Variants in APBB2 observed in about 807,000 individuals in gnomAD.
APBB2 encodes Fe65-like 1.
APBB2 carries 38 observed loss-of-function variants against 82.5 expected under a neutral mutation model. The observed-to-expected ratio is 0.46, with a 90% CI of 0.36 to 0.60. The LOEUF is 0.60. APBB2 is among the 20% of genes least tolerant of loss of function. The pLI, the probability that APBB2 is intolerant of heterozygous loss-of-function variation, is 0.00. For synonymous variants in APBB2, 341 were observed against 368.2 expected, an observed-to-expected ratio of 0.93 and a Z score of 0.85; for missense variants, 772 against 972.3, an observed-to-expected ratio of 0.79 and a Z score of 2.74.
chr4:41,058,561 C>T (rs1402049105), intron 4 of APBB2, among the ~76,000 whole-genome samples: 1 of 152,164 alleles, frequency 6.6e-6, no homozygotes, highest in Non-Finnish European at 1.5e-5. Context: ...AACTGACGGA[C>T]TCTGAGACAT....
intron 12 of APBB2, among the ~76,000 whole-genome samples, chr4:40,871,086 T>A (rs1765397256): frequency 6.6e-6 from 1 of 152,140 alleles, no homozygotes; most frequent in African/African-American, 2.4e-5. Context: ...TCCAGGATAA[T>A]ATCCTCAGGT....
chr4:40,891,411 T>C (rs1771988697), intron 11 of APBB2, among the ~76,000 whole-genome samples: 1 of 152,164 alleles, frequency 6.6e-6, no homozygotes, highest in African/African-American at 2.4e-5. Flanking sequence ...CTAAAGGTCA[T>C]CTAGATGCTG....
At chr4:40,912,837 C>A (rs997223322) in intron 10 of APBB2, among the ~76,000 whole-genome samples, 1 of 152,156 alleles carries the variant, frequency 6.6e-6, no homozygotes, top group African/African-American at 2.4e-5. Context: ...GGCAGAATCC[C>A]GCTTCTATTC....
intron 10 of APBB2, among the ~76,000 whole-genome samples, chr4:40,910,666 A>G (rs530198263): frequency 1.3e-5 from 2 of 152,336 alleles, no homozygotes; most frequent in South Asian, 4.1e-4. Context: ...CCACCACCCA[A>G]AAGTGGCCCC....
At chr4:40,905,104 C>T (rs912000112) in intron 10 of APBB2, among the ~76,000 whole-genome samples, 2 of 152,172 alleles carry the variant, frequency 1.3e-5, no homozygotes, top group African/African-American at 2.4e-5. Flanking sequence ...ACAAAGAGGA[C>T]GGTCATGATC....
intron 1 of APBB2, among the ~76,000 whole-genome samples, chr4:41,154,084 C>T (rs771014386): frequency 6.6e-6 from 1 of 152,196 alleles, no homozygotes. Context: ...ATTTATCATT[C>T]TCTCCATAAA....
intron 12 of APBB2, among the ~76,000 whole-genome samples, chr4:40,849,108 T>C (rs4861069): frequency 6.6e-6 from 1 of 151,980 alleles, no homozygotes; most frequent in African/African-American, 2.4e-5. Context: ...GCTAAGGGAA[T>C]GATGCCACAA....
intron 1 of APBB2, among the ~76,000 whole-genome samples, chr4:41,179,560 A>C (rs1288637540): frequency 6.6e-6 from 1 of 152,198 alleles, no homozygotes; most frequent in African/African-American, 2.4e-5. Flanking sequence ...GGAACAACAG[A>C]TTTGGGAATC....
intron 5 of APBB2, among the ~76,000 whole-genome samples, chr4:41,028,001 A>T (rs931535016): frequency 1.3e-5 from 2 of 152,218 alleles, no homozygotes; most frequent in Non-Finnish European, 2.9e-5. Flanking sequence ...ACAAGAGCTA[A>T]TATTACTGCT....
intron 3 of APBB2, among the ~76,000 whole-genome samples, chr4:41,093,575 C>G (rs1036020669): frequency 1.3e-5 from 2 of 152,074 alleles, no homozygotes; most frequent in African/African-American, 4.8e-5. Flanking sequence ...TAAGAAGGGC[C>G]GGGCGCGGTG....
intron 1 of APBB2, among the ~76,000 whole-genome samples, chr4:41,174,908 C>T (rs1364662229): frequency 2.0e-5 from 3 of 152,166 alleles, no homozygotes; most frequent in South Asian, 2.1e-4. Flanking sequence ...AATTTTGACA[C>T]GATAGCATCA....
chr4:41,034,634 T>G (rs549700640), intron 4 of APBB2, among the ~76,000 whole-genome samples: 1 of 152,226 alleles, frequency 6.6e-6, no homozygotes, highest in Non-Finnish European at 1.5e-5. Context: ...CAAAAAGGGT[T>G]TTAAGATGCA....
At chr4:41,190,906 C>T (rs16852900) in intron 1 of APBB2, among the ~76,000 whole-genome samples, 8,749 of 152,336 alleles carry the variant, frequency 0.057, 311 homozygotes, top group African/African-American at 0.081. Context: ...CAACGCTGGT[C>T]TGCTGTTTCT....
intron 5 of APBB2, among the ~76,000 whole-genome samples, chr4:41,029,067 A>T (rs1268132403): frequency 9.2e-5 from 14 of 152,214 alleles, no homozygotes; most frequent in Non-Finnish European, 1.9e-4. Context: ...CAGGGTTGAT[A>T]AATGGGCCAA....
intron 6 of APBB2, among the ~76,000 whole-genome samples, chr4:40,981,798 T>A (rs1474515864): frequency 1.3e-5 from 2 of 152,152 alleles, no homozygotes; most frequent in Non-Finnish European, 2.9e-5. Context: ...TAAAGTGGAA[T>A]ATGCCTTAAA....
chr4:41,117,551 A>C (rs1751451916), intron 2 of APBB2, among the ~76,000 whole-genome samples: 1 of 152,094 alleles, frequency 6.6e-6, no homozygotes, highest in South Asian at 2.1e-4. Flanking sequence ...TTGGCCTCCC[A>C]AAGTGCTGGG....
chr4:41,110,777 G>A (rs60633001), intron 2 of APBB2, among the ~76,000 whole-genome samples: 7,155 of 152,064 alleles, frequency 0.047, 344 homozygotes, highest in African/African-American at 0.12. Context: ...CTAGAGCAGC[G>A]GTCCCCAACC....
At chr4:40,835,672 T>G (rs1480960818) in intron 12 of APBB2, among the ~76,000 whole-genome samples, 1 of 152,174 alleles carries the variant, frequency 6.6e-6, no homozygotes, top group East Asian at 1.9e-4. Context: ...TGGCCCTTAC[T>G]CCGAGCCATC....
rs1211078715 is a variant in APBB2, at chr4:40,811,713, T to C, written c.*4379A>G. 2 of 152,162 alleles carry C rather than the reference T, an allele frequency of 1.3e-5. No individual in the cohort carries two copies. Among genetic ancestry groups the C allele is most frequent in the Non-Finnish European group, 2.9e-5 (2 of 68,026 alleles). The allele number at this position is 152,162 out of a possible 1,614,324, so 9.4% of individuals were successfully genotyped here. ...TTCAGATACTCCAATAGCAAACACA[T>C]TTTTAATCTGAAATTATTTACCACC... On this transcript the variant is annotated 3_prime_UTR_variant, in exon 18 of 18. Transcript: ENST00000508593.
Sources: allele counts gnomAD v4.1 joint callset (sites outside exome capture counted in the v4.1 genomes callset), GRCh38; gene constraint gnomAD v4.1.1; transcripts MANE v1.5; gene names NCBI Gene and HGNC (gene_info 2026-07-23, HGNC 2026-07-21).